DNM3: variants seen among roughly 807,000 people sequenced by gnomAD.
DNM3 encodes the protein dynamin 3, also known as dynamin-3.
DNM3 carries 47 observed loss-of-function variants against 101.6 expected under a neutral mutation model. The ratio of observed to expected loss-of-function variants is 0.46; its 90% confidence interval spans 0.37 to 0.59. The LOEUF is 0.59. Ranked by LOEUF, DNM3 falls within the 20% of genes least tolerant of loss-of-function variation. DNM3 has a pLI of 0.00. For synonymous variants in DNM3, 385 were observed against 387.9 expected (o/e 0.99, Z 0.09); for missense variants, 849 against 1,085.7 (o/e 0.78, Z 3.06).
intron 4 of DNM3, among the ~76,000 whole-genome samples, chr1:172,007,127 C>T (rs998150396): frequency 2.6e-5 from 4 of 151,956 alleles, no homozygotes; most frequent in African/African-American, 7.3e-5. Context: ...AATATTAATG[C>T]ACAAGTTTTC....
At chr1:172,395,849 T>G (rs1455347608) in intron 20 of DNM3, among the ~76,000 whole-genome samples, 2 of 152,206 alleles carry the variant, frequency 1.3e-5, no homozygotes, top group African/African-American at 4.8e-5. Context: ...ACACTGTTGG[T>G]GTGGCCAGTA....
Position 172,379,200 on chromosome 1 carries a change from A to T in DNM3, c.2058+18A>T. ...TCAATAACGTAAGTGATTATAAACT[A>T]CCTCCATTTAACTTCTAACCCATCC... On this transcript the variant is annotated intron_variant, in intron 18 of 20. Transcript: ENST00000627582. 1 of 1,578,330 alleles carries T rather than the reference A, an allele frequency of 6.3e-7. No individual in the cohort carries two copies. Among genetic ancestry groups the T allele is most frequent in the South Asian group, 1.2e-5 (1 of 86,492 alleles).
intron 13 of DNM3, among the ~76,000 whole-genome samples, chr1:172,101,907 G>A (rs1243174600): frequency 2.0e-5 from 3 of 151,752 alleles, no homozygotes; most frequent in African/African-American, 4.8e-5. Flanking sequence ...TGCCCAGGCT[G>A]GAGTGCAATG....
intron 1 of DNM3, among the ~76,000 whole-genome samples, chr1:171,916,224 C>A (rs1199059743): frequency 6.6e-6 from 1 of 152,134 alleles, no homozygotes; most frequent in Non-Finnish European, 1.5e-5. Flanking sequence ...AGCTTTGTGA[C>A]CCTGTGCAAA....
At chr1:171,848,315 T>A (rs1168597518) in intron 1 of DNM3, among the ~76,000 whole-genome samples, 1 of 152,190 alleles carries the variant, frequency 6.6e-6, no homozygotes, top group Non-Finnish European at 1.5e-5. Flanking sequence ...ATTACCTTTT[T>A]TTTCCCATAC....
intron 10 of DNM3, among the ~76,000 whole-genome samples, chr1:172,053,058 C>T (rs2050317776): frequency 6.6e-6 from 1 of 152,186 alleles, no homozygotes; most frequent in South Asian, 2.1e-4. Context: ...TTCTAAAATA[C>T]AGCTATGCCT....
intron 2 of DNM3, among the ~76,000 whole-genome samples, chr1:171,980,756 GA>G (rs2125587250): frequency 6.9e-6 from 1 of 145,662 alleles, no homozygotes; most frequent in Admixed American, 7.2e-5. Flanking sequence ...AAAGAAGAAA[GA>G]AATCTACAGA....
chr1:172,008,792 T>A (rs938366577), intron 4 of DNM3, among the ~76,000 whole-genome samples: 1 of 73,236 alleles, frequency 1.4e-5, no homozygotes, highest in Middle Eastern at 5.6e-3. Flanking sequence ...TATATTAATA[T>A]ATATAATATA....
intron 16 of DNM3, among the ~76,000 whole-genome samples, chr1:172,320,125 C>T (rs909275509): frequency 2.7e-4 from 40 of 150,770 alleles, no homozygotes; most frequent in African/African-American, 8.6e-4. Context: ...AGTAAACTAT[C>T]GCAAGGACAA....
At chr1:172,185,809 A>G (rs1437973369) in intron 14 of DNM3, among the ~76,000 whole-genome samples, 2 of 152,154 alleles carry the variant, frequency 1.3e-5, no homozygotes, top group African/African-American at 4.8e-5. Flanking sequence ...AAAATAATAT[A>G]GAAGGGTTTA....
chr1:171,879,088 A>G (rs1460818217), intron 1 of DNM3, among the ~76,000 whole-genome samples: 1 of 152,172 alleles, frequency 6.6e-6, no homozygotes, highest in East Asian at 1.9e-4. Flanking sequence ...CAAAACTAAT[A>G]TGCTTTTGGC....
At chr1:172,317,702 C>A (rs1388852980) in intron 16 of DNM3, among the ~76,000 whole-genome samples, 3 of 152,212 alleles carry the variant, frequency 2.0e-5, no homozygotes. Flanking sequence ...GAAGTTGAAT[C>A]TCTGAATAGA....
At chr1:172,416,346 A>G (rs542815840), downstream of DNM3, among the ~76,000 whole-genome samples, 1 of 152,238 alleles carries the variant, frequency 6.6e-6, no homozygotes, top group East Asian at 1.9e-4. Flanking sequence ...AAAAACCCCA[A>G]CTGCCCATAT....
At chr1:171,878,737 G>A (rs745991996) in intron 1 of DNM3, among the ~76,000 whole-genome samples, 9 of 152,070 alleles carry the variant, frequency 5.9e-5, no homozygotes, top group Non-Finnish European at 1.3e-4. Context: ...TAATCATATC[G>A]TTTTAATCCC....
At chr1:171,922,531 T>C (rs926615724) in intron 2 of DNM3, among the ~76,000 whole-genome samples, 2 of 152,222 alleles carry the variant, frequency 1.3e-5, no homozygotes, top group African/African-American at 2.4e-5. Context: ...TTTAATAGCT[T>C]GTTAAAGATA....
intron 13 of DNM3, among the ~76,000 whole-genome samples, chr1:172,110,019 CA>C: frequency 1.3e-5 from 2 of 152,010 alleles, no homozygotes; most frequent in Middle Eastern, 3.4e-3. Flanking sequence ...TTGGTGCAAA[CA>C]AAAAAAATTC....
At chr1:172,249,424 G>T (rs1191720910) in intron 14 of DNM3, among the ~76,000 whole-genome samples, 1 of 151,900 alleles carries the variant, frequency 6.6e-6, no homozygotes, top group Admixed American at 6.6e-5. Context: ...TGTTTCTTCC[G>T]TTTCTTCTAA....
intron 2 of DNM3, among the ~76,000 whole-genome samples, chr1:171,977,769 G>A (rs1034975593): frequency 1.3e-5 from 2 of 151,948 alleles, no homozygotes; most frequent in Admixed American, 1.3e-4. Flanking sequence ...CTTCTATCTG[G>A]CCTTTAAGGT....
intron 5 of DNM3, 29 bp downstream of exon 5, chr1:172,032,529 T>TC: frequency 4.0e-6 from 1 of 249,344 alleles, no homozygotes; most frequent in Non-Finnish European, 5.4e-6. Context: ...TACAAGACTT[T>TC]TTTTTTTTTT....
Sources: gnomAD v4.1 joint callset for allele counts (sites outside exome capture counted in the v4.1 genomes callset) on GRCh38, gnomAD v4.1.1 for gene constraint, MANE v1.5 for transcripts, NCBI Gene and HGNC (gene_info 2026-07-23, HGNC 2026-07-21) for gene names.